CPA6: variants seen among roughly 807,000 people sequenced by gnomAD.
The protein encoded by CPA6 is carboxypeptidase B.
Under a neutral mutation model 63.3 loss-of-function variants are expected in CPA6, and 58 were observed. The ratio of observed to expected loss-of-function variants is 0.92; its 90% confidence interval spans 0.74 to 1.14. The LOEUF is 1.14. CPA6 is among the 50% of genes most tolerant of loss of function. CPA6 has a pLI of 0.00. For synonymous variants in CPA6, 185 were observed against 179.0 expected (o/e 1.03, Z -0.27); for missense variants, 565 against 526.6 (o/e 1.07, Z -0.71).
At chr8:67,712,543 A>G (rs1256184599) in intron 1 of CPA6, among the ~76,000 whole-genome samples, 2 of 152,134 alleles carry the variant, frequency 1.3e-5, no homozygotes, top group Admixed American at 1.3e-4. Context: ...GTTTTGGGAA[A>G]GTTTAAGCTG....
At chr8:67,592,791 C>T (rs1814171076) in intron 2 of CPA6, among the ~76,000 whole-genome samples, 1 of 152,084 alleles carries the variant, frequency 6.6e-6, no homozygotes, top group Non-Finnish European at 1.5e-5. Flanking sequence ...CTTTATTAGT[C>T]TTGCTAGTGG....
intron 1 of CPA6, among the ~76,000 whole-genome samples, chr8:67,738,031 A>G (rs891033464): frequency 3.9e-5 from 6 of 152,314 alleles, no homozygotes; most frequent in African/African-American, 1.4e-4. Context: ...AGAAGAAAAA[A>G]TGCACACTTT....
intron 8 of CPA6, among the ~76,000 whole-genome samples, chr8:67,448,656 G>A (rs1185216095): frequency 2.3e-3 from 158 of 68,358 alleles, no homozygotes; most frequent in Middle Eastern, 0.014. Flanking sequence ...AAAAAAAAAG[G>A]AAAGAACGAA....
chr8:67,655,142 GT>G (rs1398684297), intron 1 of CPA6, among the ~76,000 whole-genome samples: 4 of 152,096 alleles, frequency 2.6e-5, no homozygotes, highest in African/African-American at 9.7e-5. Flanking sequence ...TGCATCTGGG[GT>G]TTCTTTGTTA....
chr8:67,587,426 C>G (rs546919660), intron 2 of CPA6, among the ~76,000 whole-genome samples: 1 of 152,180 alleles, frequency 6.6e-6, no homozygotes, highest in Non-Finnish European at 1.5e-5. Context: ...CAGAAGAAAC[C>G]AGCAAAATAG....
chr8:67,676,009 A>T (rs78217669), intron 1 of CPA6, among the ~76,000 whole-genome samples: 3,662 of 152,260 alleles, frequency 0.024, 183 homozygotes, highest in African/African-American at 0.084. Context: ...CGCTACCATG[A>T]CCAACCTGTA....
chr8:67,728,433 AATT>A (rs1391043959), intron 1 of CPA6, among the ~76,000 whole-genome samples: 3 of 152,156 alleles, frequency 2.0e-5, no homozygotes, highest in Non-Finnish European at 4.4e-5. Flanking sequence ...GAGCATTAAA[AATT>A]ATTTATAGAC....
At chr8:67,662,596 GA>G (rs36035602) in intron 1 of CPA6, among the ~76,000 whole-genome samples, 62,288 of 139,214 alleles carry the variant, frequency 0.45, 16,013 homozygotes, top group African/African-American at 0.7. Context: ...TGTATATATA[GA>G]ATACATACAC....
chr8:67,579,802 T>C (rs1024032044), intron 2 of CPA6, among the ~76,000 whole-genome samples: 3 of 152,236 alleles, frequency 2.0e-5, no homozygotes, highest in African/African-American at 7.2e-5. Context: ...TATAGGAACA[T>C]AGTTATGCTC....
chr8:67,735,677 C>CTTTTTTTTTTTTTTTTT (rs199533677), intron 1 of CPA6: 1 of 145,190 alleles, frequency 6.9e-6, no homozygotes. Flanking sequence ...TAGTGGCAGT[C>CTTTTTTTTTTTTTTTTT]TTTTTTTTTT....
chr8:67,561,080 T>C (rs1427020045), intron 2 of CPA6, among the ~76,000 whole-genome samples: 1 of 152,198 alleles, frequency 6.6e-6, no homozygotes, highest in Admixed American at 6.5e-5. Flanking sequence ...AGCAGTCCAA[T>C]TAATCATTCT....
intron 2 of CPA6, among the ~76,000 whole-genome samples, chr8:67,593,672 T>C (rs1303839993): frequency 6.6e-6 from 1 of 151,972 alleles, no homozygotes; most frequent in Admixed American, 6.6e-5. Flanking sequence ...TCTTTGTTGG[T>C]TTAAAGTCTG....
At chr8:67,613,018 C>A (rs1023850608) in intron 2 of CPA6, among the ~76,000 whole-genome samples, 4 of 152,190 alleles carry the variant, frequency 2.6e-5, no homozygotes, top group African/African-American at 9.7e-5. Context: ...AGGCAAAAAT[C>A]TTAAGGTTAG....
Position 67,680,867 on chromosome 8 carries a change from CTAAT to C in CPA6, c.117-56620_117-56617del, listed in dbSNP as rs149360697. 1.7e-4 allele frequency among the ~76,000 whole-genome samples: 26 copies of C among 152,272 alleles called. No individual in the cohort carries two copies. In the East Asian group the frequency reaches 4.2e-3, roughly 25 times the overall value. ...GTTATAATTTGCATTACTCTAATGA[CTAAT>C]TATATTGAATACCTTTTGTATGCTA... On this transcript the variant is annotated intron_variant, in intron 1 of 10. Coordinates refer to ENST00000297770, the MANE Select transcript of CPA6 (RefSeq NM_020361.5).
intron 2 of CPA6, among the ~76,000 whole-genome samples, chr8:67,539,555 T>C (rs1167602485): frequency 1.3e-5 from 2 of 152,244 alleles, no homozygotes; most frequent in South Asian, 2.1e-4. Context: ...CTTGCTAGGT[T>C]GGGGAAGTTC....
chr8:67,609,096 C>T (rs1177723686), intron 2 of CPA6, among the ~76,000 whole-genome samples: 1 of 152,230 alleles, frequency 6.6e-6, no homozygotes. Context: ...TGCACAACGT[C>T]CTTTGATTCT....
intron 1 of CPA6, among the ~76,000 whole-genome samples, chr8:67,695,650 C>T (rs766037323): frequency 1.3e-5 from 2 of 152,312 alleles, no homozygotes; most frequent in South Asian, 2.1e-4. Flanking sequence ...TTACCATGTT[C>T]CCCACTATCT....
At chr8:67,533,896 T>C (rs921631157) in intron 2 of CPA6, among the ~76,000 whole-genome samples, 1 of 152,200 alleles carries the variant, frequency 6.6e-6, no homozygotes, top group Non-Finnish European at 1.5e-5. Context: ...AGTTTATCAG[T>C]CTTTTCCCCA....
intron 1 of CPA6, among the ~76,000 whole-genome samples, chr8:67,640,105 G>A (rs1331357481): frequency 6.6e-6 from 1 of 151,292 alleles, no homozygotes; most frequent in African/African-American, 2.5e-5. Context: ...TTGGTCCATG[G>A]GCAGCCATGG....
Sources: gnomAD v4.1 joint callset for allele counts (sites outside exome capture counted in the v4.1 genomes callset) on GRCh38, gnomAD v4.1.1 for gene constraint, MANE v1.5 for transcripts, NCBI Gene and HGNC (gene_info 2026-07-23, HGNC 2026-07-21) for gene names.